CD36: variants seen among roughly 807,000 people sequenced by gnomAD.
The protein encoded by CD36 is CD36 molecule (CD36 blood group).
Under a neutral mutation model 55.2 loss-of-function variants are expected in CD36, and 119 were observed. That is an observed-to-expected ratio of 2.15 (90% CI 1.86 to 2.51). The LOEUF is 2.51. Ranked by LOEUF, CD36 falls within the 30% of genes most tolerant of loss-of-function variation. CD36 has a pLI of 0.00. For synonymous variants in CD36, 186 were observed against 193.6 expected, an observed-to-expected ratio of 0.96 and a Z score of 0.33; for missense variants, 819 against 555.5, an observed-to-expected ratio of 1.47 and a Z score of -4.77.
At chr7:80,665,341 T>C (rs1461084447) in intron 7 of CD36, among the ~76,000 whole-genome samples, 1 of 150,344 alleles carries the variant, frequency 6.7e-6, no homozygotes, top group Non-Finnish European at 1.5e-5. Flanking sequence ...GACTAGTTTT[T>C]TTCTGAAAAA....
intron 4 of CD36, 67 bp from the exon 5 acceptor site, chr7:80,660,996 T>C: frequency 8.7e-7 from 1 of 1,143,412 alleles, no homozygotes; most frequent in Non-Finnish European, 1.3e-6. Context: ...GTTGAATGAA[T>C]GACATTTGAG....
upstream of CD36, chr7:80,637,146 C>G (rs1036713992): frequency 4.6e-5 from 7 of 151,286 alleles, no homozygotes; most frequent in Admixed American, 2.0e-4. Flanking sequence ...TTATCTGAAC[C>G]CTTTCGTTGG....
chr7:80,651,616 G>A (rs1214278135), intron 3 of CD36, among the ~76,000 whole-genome samples: 2 of 152,050 alleles, frequency 1.3e-5, no homozygotes, highest in Admixed American at 6.6e-5. Flanking sequence ...TCATTAAAAT[G>A]GTTATACATG....
At chr7:80,627,890 TAATA>T (rs1415632705) in intron 1 of CD36, among the ~76,000 whole-genome samples, 3 of 152,026 alleles carry the variant, frequency 2.0e-5, no homozygotes, top group African/African-American at 7.2e-5. Context: ...GTATTATAGT[TAATA>T]AATACCTGTG....
Position 80,673,386 on chromosome 7 carries a change from G to A in CD36, c.1231G>A (p.Val411Met), listed in dbSNP as rs960128929. The part of the protein sequence containing the change: ...VLKNLKRNYI[V>M]PILWLNETGT... ...AAAGAATCTGAAGAGGAACTATATT[G>A]TGCCTATTCTTTGGCTTAATGAGGT... Residue 411 changes from valine (V) to methionine (M), a missense_variant, in exon 13 of 15, where the codon GTG becomes ATG. Transcript: ENST00000447544. The A allele has an allele frequency of 1.2e-5, 19 of 1,568,746 alleles. No homozygotes were observed. The highest frequency in any genetic ancestry group is 8.1e-5 in the African/African-American group (6 of 73,928).
chr7:80,603,711 T>C (rs1390594397), intron 1 of CD36, among the ~76,000 whole-genome samples: 4 of 108,362 alleles, frequency 3.7e-5, no homozygotes, highest in Non-Finnish European at 7.8e-5. Flanking sequence ...CTGAGGATAA[T>C]AAAACAGTTT....
chr7:80,618,993 G>A (rs1793315221), intron 1 of CD36, among the ~76,000 whole-genome samples: 1 of 152,112 alleles, frequency 6.6e-6, no homozygotes, highest in Non-Finnish European at 1.5e-5. Context: ...AGAAGTCAAT[G>A]CCTGGTTTCA....
intron 1 of CD36, among the ~76,000 whole-genome samples, chr7:80,603,415 A>G (rs948518266): frequency 5.3e-5 from 8 of 152,108 alleles, no homozygotes; most frequent in African/African-American, 1.9e-4. Context: ...AATACTTCCA[A>G]AGGGGTAAAC....
intron 7 of CD36, among the ~76,000 whole-genome samples, chr7:80,665,084 A>AAT (rs1421109809): frequency 3.9e-5 from 6 of 152,086 alleles, no homozygotes; most frequent in Non-Finnish European, 8.8e-5. Context: ...TCAATGCAAA[A>AAT]ATAGAATGAA....
chr7:80,672,138 TCA>T, intron 11 of CD36, 98 bp downstream of exon 11: 33 of 991,744 alleles, frequency 3.3e-5, no homozygotes, highest in Non-Finnish European at 4.7e-5. Flanking sequence ...CAATAAATAA[TCA>T]TATTTATTGA....
chr7:80,638,275 A>C (rs948178288), upstream of CD36, among the ~76,000 whole-genome samples: 2 of 151,876 alleles, frequency 1.3e-5, no homozygotes, highest in African/African-American at 4.8e-5. Context: ...GAATATGATT[A>C]TTCTTCCAAA....
intron 8 of CD36, among the ~76,000 whole-genome samples, chr7:80,668,991 A>G (rs1797390991): frequency 6.6e-6 from 1 of 152,208 alleles, no homozygotes; most frequent in African/African-American, 2.4e-5. Flanking sequence ...ACACTTTCAA[A>G]GCATTTGAAG....
chr7:80,656,434 T>A, intron 3 of CD36, 106 bp from the exon 4 acceptor site: 1 of 939,634 alleles, frequency 1.1e-6, no homozygotes, highest in Non-Finnish European at 1.7e-6. Context: ...ATGAGGTACT[T>A]GGGCTTGGTC....
At chr7:80,672,695 T>C in intron 11 of CD36, 75 bp from the exon 12 acceptor site, 1 of 1,005,854 alleles carries the variant, frequency 9.9e-7, no homozygotes, top group South Asian at 1.4e-5. Context: ...TCTTCTGCTG[T>C]AAGAAAAATA....
chr7:80,647,139 TTTAAG>T (rs1251557473), intron 3 of CD36: 8 of 365,568 alleles, frequency 2.2e-5, no homozygotes, highest in Non-Finnish European at 4.2e-5. Context: ...AAATAATTGT[TTTAAG>T]TTATGTCCAA....
chr7:80,663,131 C>T lies in CD36; in HGVS notation c.571C>T (p.Pro191Ser), dbSNP rs1369671455. The T allele has an allele frequency of 1.9e-6, 3 of 1,613,716 alleles. No homozygotes were observed. Among genetic ancestry groups the T allele is most frequent in the African/African-American group, 2.7e-5 (2 of 75,026 alleles). Reference sequence around the variant, plus strand: ...TAGGGATCCATTTTTGAGTTTGGTTCCGTACCCTGTTACTACCACAGTTGG... The same window carrying T: ...TAGGGATCCATTTTTGAGTTTGGTTTCGTACCCTGTTACTACCACAGTTGG... ...GYRDPFLSLV[P>S]YPVTTTVGLF... Residue 191 changes from proline (P) to serine (S), a missense_variant, in exon 6 of 15, where the codon CCG becomes TCG. Physicochemically the swap from Pro to Ser is moderately conservative, Grantham distance 74. Coordinates refer to ENST00000447544, the MANE Select transcript of CD36 (RefSeq NM_001001548.3).
chr7:80,650,045 C>T (rs1290557230), intron 3 of CD36, among the ~76,000 whole-genome samples: 1 of 151,972 alleles, frequency 6.6e-6, no homozygotes, highest in Non-Finnish European at 1.5e-5. Flanking sequence ...AGTGCTTTTC[C>T]TTCTTGTTTT....
Position 80,663,060 on chromosome 7 carries a change from C to T in CD36, c.500C>T (p.Ser167Phe), listed in dbSNP as rs766936015. 1.2e-6 allele frequency: 2 copies of T among 1,613,000 alleles called. No individual in the cohort carries two copies. Among genetic ancestry groups the T allele is most frequent in the Non-Finnish European group, 1.7e-6 (2 of 1,179,262 alleles). Reference protein sequence around the residue: ...ILNSLINKSKSSMFQVRTLRE... With the variant: ...ILNSLINKSKFSMFQVRTLRE... The stretch of plus-strand genomic sequence containing the variant: ...AATTCACTTATTAACAAGTCAAAAT[C>T]TTCTATGTTCCAAGTCAGAACTTTG... The change falls in exon 6 of 15, where the codon TCT becomes TTT. Residue 167 changes from serine to phenylalanine, a missense_variant. By Grantham distance (155) the Ser-to-Phe change is radical. Transcript: ENST00000447544.
rs1796828528 is a variant in CD36, at chr7:80,664,412, A to C, written c.616A>C (p.Asn206His). 1 of 1,535,162 alleles carries C rather than the reference A, an allele frequency of 6.5e-7. No homozygotes were observed. Among genetic ancestry groups the C allele is most frequent in the Non-Finnish European group, 9.0e-7 (1 of 1,108,392 alleles). ...TTVGLFYPYN[N>H]TADGVYKVFN... is the part of the protein sequence containing the mutation. Reference sequence around the variant, plus strand: ...TCCCATACATATATTTCAGTACAACAATACTGCAGATGGAGTTTATAAAGT... The same window carrying C: ...TCCCATACATATATTTCAGTACAACCATACTGCAGATGGAGTTTATAAAGT... The change falls in exon 7 of 15, where the codon AAT (asparagine) becomes CAT (histidine). Residue 206 changes from asparagine (N) to histidine (H), a missense_variant. Physicochemically the swap from Asn to His is moderately conservative, Grantham distance 68. Transcript: ENST00000447544.
Sources: allele counts gnomAD v4.1 joint callset (sites outside exome capture counted in the v4.1 genomes callset), GRCh38; gene constraint gnomAD v4.1.1; transcripts MANE v1.5; gene names NCBI Gene and HGNC (gene_info 2026-07-23, HGNC 2026-07-21).